Variants in KANK1 observed in about 807,000 individuals in gnomAD.
The protein encoded by KANK1 is KN motif and ankyrin repeat domains 1.
Under a neutral mutation model 106.2 loss-of-function variants are expected in KANK1, and 109 were observed. The observed-to-expected ratio is 1.03, with a 90% confidence interval of 0.88 to 1.20. The LOEUF is 1.20. Among genes scored for constraint, KANK1 ranks in the 50% most tolerant of loss-of-function variants. The pLI, the probability that KANK1 is intolerant of heterozygous loss-of-function variation, is 0.00. For missense variants in KANK1, 2,399 were observed against 1,710.7 expected, an observed-to-expected ratio of 1.40 and a Z score of -7.10; for synonymous variants, 873 against 652.2, an observed-to-expected ratio of 1.34 and a Z score of -5.16.
chr9:720,650 C>T (rs535024480), intron 3 of KANK1, among the ~76,000 whole-genome samples: 3 of 152,266 alleles, frequency 2.0e-5, no homozygotes, highest in Non-Finnish European at 2.9e-5. Flanking sequence ...GCCAATGCAC[C>T]CAGCCTGTTT....
intron 1 of KANK1, among the ~76,000 whole-genome samples, chr9:669,882 T>C (rs1377034812): frequency 3.3e-5 from 5 of 152,170 alleles, no homozygotes; most frequent in Non-Finnish European, 7.3e-5. Context: ...TTTAAGGTAA[T>C]TTTCTATATC....
At chr9:647,199 A>G (rs1839862536) in intron 1 of KANK1, among the ~76,000 whole-genome samples, 1 of 151,076 alleles carries the variant, frequency 6.6e-6, no homozygotes, top group Admixed American at 6.6e-5. Context: ...AAATTCATCC[A>G]TAGTATTTTT....
chr9:533,009 T>C (rs1230001266), intron 1 of KANK1, among the ~76,000 whole-genome samples: 2 of 152,096 alleles, frequency 1.3e-5, no homozygotes, highest in African/African-American at 2.4e-5. Flanking sequence ...CGGAACAGTT[T>C]TGGAGTTGGA....
rs1351386094 is a variant in KANK1 at position 564,660 on chromosome 9, T to C, written c.-84+59906T>C. On this transcript the variant is annotated intron_variant, in intron 1 of 11. Coordinates refer to ENST00000382297, the MANE Select transcript of KANK1 (RefSeq NM_015158.5). ...CTGCCCATGCCTACTTTTGGTGTTC[T>C]CATAATCTGAGCATGCGCTCAGCTC... 3.3e-5 allele frequency among the ~76,000 whole-genome samples: 5 copies of C among 152,204 alleles called. No individual in the cohort carries two copies. In the East Asian group the frequency reaches 9.6e-4, roughly 29 times the overall value.
intron 3 of KANK1, among the ~76,000 whole-genome samples, chr9:486,734 T>TA (rs1249676145): frequency 1.2e-4 from 19 of 152,180 alleles, no homozygotes; most frequent in Admixed American, 1.2e-3. Flanking sequence ...TCCGTCATTA[T>TA]AAAAAAATAA....
In KANK1 at chr9:732,426, T is replaced by G; in HGVS notation, c.3054T>G (p.Ser1018=). Residue 1018 remains serine, a synonymous_variant, in exon 6 of 12, where the codon TCT becomes TCG. Coordinates refer to ENST00000382297, the MANE Select transcript of KANK1 (RefSeq NM_015158.5). ...SDDSSSDESS[S]SESDDECDVI... ...ATTCCAGCTCAGATGAAAGCTCTTC[T>G]TCCGAGTCAGATGACGAGTGTGATG... is the stretch of plus-strand genomic sequence containing the variant. 3 of 1,614,140 alleles carry G rather than the reference T, an allele frequency of 1.9e-6. No homozygotes were observed. Among genetic ancestry groups the G allele is most frequent in the Non-Finnish European group, 2.5e-6 (3 of 1,179,996 alleles).
chr9:558,884 G>T (rs1410134921), intron 1 of KANK1: 1 of 152,038 alleles, frequency 6.6e-6, no homozygotes, highest in Non-Finnish European at 1.5e-5. Context: ...GATTAGTATG[G>T]CCCCTGTGCA....
chr9:488,101 C>T (rs1457050732), intron 3 of KANK1, among the ~76,000 whole-genome samples: 1 of 152,208 alleles, frequency 6.6e-6, no homozygotes, highest in Non-Finnish European at 1.5e-5. Context: ...AGATGGTCAA[C>T]ATGGCTACGA....
chr9:648,795 A>G (rs528532142), intron 1 of KANK1, among the ~76,000 whole-genome samples: 2 of 152,204 alleles, frequency 1.3e-5, no homozygotes, highest in Non-Finnish European at 2.9e-5. Flanking sequence ...AAAATTATAA[A>G]GCTGCGGACA....
intron 1 of KANK1, among the ~76,000 whole-genome samples, chr9:668,890 T>G (rs562613936): frequency 6.6e-6 from 1 of 152,182 alleles, no homozygotes; most frequent in East Asian, 1.9e-4. Context: ...CCTTCGCACT[T>G]GCAGTTCACA....
intron 1 of KANK1, among the ~76,000 whole-genome samples, chr9:546,553 G>A (rs1382128234): frequency 6.6e-6 from 1 of 151,946 alleles, no homozygotes; most frequent in Non-Finnish European, 1.5e-5. Context: ...TTTGCTTGTG[G>A]CAGTTTTCAC....
intron 1 of KANK1, among the ~76,000 whole-genome samples, chr9:672,184 A>T (rs62530120): frequency 0.13 from 19,970 of 152,206 alleles, 1,598 homozygotes; most frequent in Admixed American, 0.17. Context: ...CAGCACTGTC[A>T]TACTAGCTGT....
intron 1 of KANK1, among the ~76,000 whole-genome samples, chr9:649,014 C>T (rs1237429639): frequency 1.3e-5 from 2 of 152,196 alleles, no homozygotes; most frequent in Admixed American, 6.5e-5. Context: ...GGCGATGACA[C>T]TGAGAACAGC....
At chr9:642,598 T>C (rs772563551) in intron 1 of KANK1, among the ~76,000 whole-genome samples, 2 of 150,934 alleles carry the variant, frequency 1.3e-5, no homozygotes, top group Non-Finnish European at 2.9e-5. Flanking sequence ...GTTTATATTT[T>C]TTCTATGAAT....
chr9:710,728 G>A (rs1825804053), intron 2 of KANK1, 76 bp from the exon 3 acceptor site: 4 of 1,397,532 alleles, frequency 2.9e-6, no homozygotes, highest in Non-Finnish European at 3.9e-6. Flanking sequence ...TTGCTGTACT[G>A]CAACAAACAC....
intron 1 of KANK1, among the ~76,000 whole-genome samples, chr9:646,441 C>G (rs943844346): frequency 4.0e-5 from 6 of 150,996 alleles, no homozygotes; most frequent in African/African-American, 7.4e-5. Flanking sequence ...TAAGCTTTCC[C>G]AATGGTACAT....
intron 6 of KANK1, 193 bp from the exon 7 acceptor site, chr9:734,553 CTA>C (rs1269885641): frequency 2.4e-5 from 11 of 460,652 alleles, no homozygotes; most frequent in African/African-American, 2.2e-4. Flanking sequence ...GTAGTCCCAG[CTA>C]CTAGGGAGGC....
intron 1 of KANK1, among the ~76,000 whole-genome samples, chr9:651,257 T>G (rs928260173): frequency 2.0e-5 from 3 of 152,236 alleles, no homozygotes; most frequent in African/African-American, 7.2e-5. Flanking sequence ...TTAATACATG[T>G]GCATTTTATA....
At chr9:702,788 G>C (rs1431526827) in intron 2 of KANK1, among the ~76,000 whole-genome samples, 1 of 152,084 alleles carries the variant, frequency 6.6e-6, no homozygotes, top group East Asian at 1.9e-4. Flanking sequence ...GGCCTCTCCT[G>C]TACTCATCTT....
Sources: gnomAD v4.1 joint callset for allele counts (sites outside exome capture counted in the v4.1 genomes callset) on GRCh38, gnomAD v4.1.1 for gene constraint, MANE v1.5 for transcripts, NCBI Gene and HGNC (gene_info 2026-07-23, HGNC 2026-07-21) for gene names.